The following CTNND1 variants were observed in gnomAD, a reference collection of about 807,000 sequenced individuals.
CTNND1 encodes the protein catenin delta 1.
In CTNND1, 16 loss-of-function variants were observed where a neutral mutation model predicts 112.1. The ratio of observed to expected loss-of-function variants is 0.14; its 90% CI spans 0.10 to 0.22. The LOEUF is 0.22. Among genes scored for constraint, CTNND1 ranks in the 10% least tolerant of loss-of-function variants. The probability of loss-of-function intolerance (pLI) is 1.00; values close to 1 mark genes in which losing one functional copy is unlikely to be tolerated. For missense variants in CTNND1, 1,008 were observed against 1,257.0 expected (o/e 0.80, Z 3.00); for synonymous variants, 420 against 446.5 (o/e 0.94, Z 0.75).
chr11:57,771,281 G>A (rs1456287036), intron 1 of CTNND1, among the ~76,000 whole-genome samples: 2 of 152,152 alleles, frequency 1.3e-5, no homozygotes, highest in African/African-American at 4.8e-5. Flanking sequence ...TTCTCAAAGA[G>A]CTTACATTCT....
At chr11:57,769,619 A>G (rs1002590707) in intron 1 of CTNND1, among the ~76,000 whole-genome samples, 9 of 147,028 alleles carry the variant, frequency 6.1e-5, no homozygotes, top group Non-Finnish European at 1.1e-4. Context: ...TGCCTCCCCT[A>G]TCTTTTTTTT....
At chr11:57,793,420 G>C (rs1205748936) in intron 3 of CTNND1, among the ~76,000 whole-genome samples, 1 of 152,148 alleles carries the variant, frequency 6.6e-6, no homozygotes, top group Admixed American at 6.5e-5. Flanking sequence ...TACTTGGAAA[G>C]GGAGACTCGT....
rs1406000983 is a variant in CTNND1, at chr11:57,796,584, G to A, written c.548G>A (p.Arg183His). 1.1e-5 allele frequency: 18 copies of A among 1,613,834 alleles called. No homozygotes were observed. The highest frequency in any genetic ancestry group is 2.2e-5 in the East Asian group (1 of 44,886). ...NYIQTLGRDF[R>H]KNGNGGPGPY... ...ATCCAGACTTTGGGTCGTGATTTCC[G>A]CAAGAATGGCAATGGGGGACCTGGT... The change falls in exon 6 of 21, where the codon CGC becomes CAC. Residue 183 changes from arginine to histidine, a missense_variant. Arg to His is a conservative substitution (Grantham distance 29). Coordinates refer to ENST00000399050, the MANE Select transcript of CTNND1 (RefSeq NM_001085458.2).
chr11:57,774,890 T>C lies in CTNND1; in HGVS notation c.-214+12771T>C, dbSNP rs1039115477. 5.3e-5 allele frequency among the ~76,000 whole-genome samples: 8 copies of C among 152,132 alleles called. No homozygotes were observed. The South Asian group carries it at 1.2e-3, about 24-fold the overall frequency. ...ACCATACCTGCTTAATTTTTGTATTTTTAGTAGAGGTGGGGTTTTGCCATG... is the reference window on the plus strand; with the variant it reads ...ACCATACCTGCTTAATTTTTGTATTCTTAGTAGAGGTGGGGTTTTGCCATG... On this transcript the variant is annotated intron_variant, in intron 1 of 20. Coordinates refer to ENST00000399050, the MANE Select transcript of CTNND1 (RefSeq NM_001085458.2).
chr11:57,814,253 A>T (rs896180067), intron 17 of CTNND1, 58 bp from the exon 18 acceptor site: 3 of 1,265,400 alleles, frequency 2.4e-6, no homozygotes, highest in Non-Finnish European at 3.4e-6. Context: ...AATTTTCATG[A>T]TGTGTACAGA....
chr11:57,806,606 T>G, intron 11 of CTNND1, 128 bp downstream of exon 11: 5 of 851,182 alleles, frequency 5.9e-6, no homozygotes, highest in Non-Finnish European at 9.5e-6. Context: ...AGGAAGACAC[T>G]GAAACAAGTT....
intron 17 of CTNND1, 95 bp from the exon 18 acceptor site, chr11:57,814,216 G>A (rs2063694256): frequency 1.2e-6 from 1 of 823,796 alleles, no homozygotes; most frequent in East Asian, 2.6e-5. Flanking sequence ...AAGTGTGAAT[G>A]AAGGGAAGGA....
At chr11:57,764,915 C>T (rs1950706163) in intron 1 of CTNND1, among the ~76,000 whole-genome samples, 1 of 152,204 alleles carries the variant, frequency 6.6e-6, no homozygotes, top group African/African-American at 2.4e-5. Context: ...CCCCACTACC[C>T]TTGTTGGGAT....
chr11:57,782,797 G>A (rs2059713572), intron 1 of CTNND1, among the ~76,000 whole-genome samples: 1 of 152,216 alleles, frequency 6.6e-6, no homozygotes, highest in African/African-American at 2.4e-5. Flanking sequence ...AGGAAGCATA[G>A]AAAGAGTGAA....
intron 12 of CTNND1, among the ~76,000 whole-genome samples, chr11:57,807,605 CAAAAAAA>C (rs71470294): frequency 1.4e-4 from 4 of 29,224 alleles, no homozygotes; most frequent in South Asian, 1.7e-3. Context: ...AACTCCGTCT[CAAAAAAA>C]AAAAAAAAAA....
chr11:57,779,277 T>C (rs2059329118), intron 1 of CTNND1, among the ~76,000 whole-genome samples: 1 of 152,228 alleles, frequency 6.6e-6, no homozygotes, highest in Admixed American at 6.5e-5. Context: ...AGCAATTCTC[T>C]AATGTTTGAT....
Position 57,805,817 on chromosome 11 carries a change from C to T in CTNND1, c.1723-65C>T, listed in dbSNP as rs540416940. On this transcript the variant is annotated intron_variant, in intron 9 of 20. Transcript: ENST00000399050. ...CATTTTAATACCTGAGTCATGGAAA[C>T]CTGTACTTGTGGAGAAATCACAATA... 3.9e-6 allele frequency: 6 copies of T among 1,549,846 alleles called. No homozygotes were observed. In the South Asian group the frequency reaches 5.9e-5, roughly 15 times the overall value.
intron 8 of CTNND1, 185 bp downstream of exon 8, chr11:57,803,989 A>AT (rs1300778555): frequency 1.1e-5 from 5 of 460,648 alleles, no homozygotes; most frequent in African/African-American, 6.0e-5. Context: ...ACATGTACCT[A>AT]TATCAGTTTT....
intron 1 of CTNND1, among the ~76,000 whole-genome samples, chr11:57,770,057 G>A (rs1416315386): frequency 1.3e-5 from 2 of 152,164 alleles, no homozygotes; most frequent in East Asian, 1.9e-4. Context: ...TGGGCGCGGT[G>A]GTGGTTCATG....
chr11:57,803,729 G>A lies in CTNND1; in HGVS notation c.1529G>A (p.Arg510Gln). 4 of 1,613,244 alleles carry A rather than the reference G, an allele frequency of 2.5e-6. No homozygotes were observed. The highest frequency in any genetic ancestry group is 1.7e-5 in the Admixed American group (1 of 59,922). ...ATCATTCCTCATTCTGGTTGGGAGC[G>A]GGAACCTAATGAAGACTGTAAGCCA... ...EVIIPHSGWE[R>Q]EPNEDCKPRH... Residue 510 changes from arginine (R) to glutamine (Q), a missense_variant, in exon 8 of 21, where the codon CGG becomes CAG. Arg to Gln is a conservative substitution (Grantham distance 43, BLOSUM62 1). Around this residue, in one of 5 missense-constraint regions of CTNND1, gnomAD observed 216 missense variants for 342.8 expected, o/e 0.63. Transcript: ENST00000399050.
intron 3 of CTNND1, 59 bp downstream of exon 3, chr11:57,791,732 A>G: frequency 1.4e-6 from 2 of 1,454,608 alleles, no homozygotes. Context: ...CAGAGAGGCT[A>G]TGATCCTTTT....
chr11:57,810,073 T>C, intron 15 of CTNND1, 36 bp from the exon 16 acceptor site: 1 of 1,519,990 alleles, frequency 6.6e-7, no homozygotes, highest in Non-Finnish European at 9.0e-7. Context: ...CCTGATTTTA[T>C]ATCCAAATTC....
At chr11:57,774,862 G>A (rs908095049) in intron 1 of CTNND1, among the ~76,000 whole-genome samples, 2 of 151,956 alleles carry the variant, frequency 1.3e-5, no homozygotes, top group African/African-American at 2.4e-5. Context: ...TAAGGCATGC[G>A]CCACCATACC....
chr11:57,779,607 G>C (rs1313404430), intron 1 of CTNND1, among the ~76,000 whole-genome samples: 1 of 152,166 alleles, frequency 6.6e-6, no homozygotes, highest in Non-Finnish European at 1.5e-5. Flanking sequence ...TCTTATGCTG[G>C]CTAGCACAAT....
Sources: gnomAD v4.1 joint callset for allele counts (sites outside exome capture counted in the v4.1 genomes callset) on GRCh38, gnomAD v4.1.1 for gene constraint, gnomAD v4.1.1 regional missense constraint, MANE v1.5 for transcripts, NCBI Gene and HGNC (gene_info 2026-07-23, HGNC 2026-07-21) for gene names.